The following RASAL2 variants were observed in gnomAD, a reference collection of about 807,000 sequenced individuals.
RASAL2 encodes ras GTPase-activating protein nGAP.
RASAL2 carries 58 observed loss-of-function variants against 128.9 expected under a neutral mutation model. The ratio of observed to expected loss-of-function variants is 0.45; its 90% confidence interval spans 0.36 to 0.56. RASAL2 has a LOEUF of 0.56. RASAL2 is among the 20% of genes least tolerant of loss of function. The pLI is 0.00. For synonymous variants in RASAL2, 561 were observed against 580.8 expected (o/e 0.97, Z 0.49); for missense variants, 1,360 against 1,601.6 (o/e 0.85, Z 2.57).
chr1:178,421,998 A>G (rs538321754), intron 5 of RASAL2, among the ~76,000 whole-genome samples: 1 of 152,218 alleles, frequency 6.6e-6, no homozygotes, highest in Non-Finnish European at 1.5e-5. Flanking sequence ...CAAAAAATAG[A>G]ATAACAATTT....
At chr1:178,359,220 C>A (rs999102304) in intron 3 of RASAL2, among the ~76,000 whole-genome samples, 2 of 152,102 alleles carry the variant, frequency 1.3e-5, no homozygotes, top group Admixed American at 6.5e-5. Flanking sequence ...GGACTTGATA[C>A]TACCATTCAT....
At chr1:178,311,109 G>A (rs1359495728) in intron 3 of RASAL2, among the ~76,000 whole-genome samples, 2 of 152,082 alleles carry the variant, frequency 1.3e-5, no homozygotes, top group East Asian at 1.9e-4. Flanking sequence ...ATCTGGAGGA[G>A]ATGAATGGCA....
chr1:178,234,640 T>C (rs1227973323), intron 1 of RASAL2, among the ~76,000 whole-genome samples: 1 of 152,152 alleles, frequency 6.6e-6, no homozygotes, highest in African/African-American at 2.4e-5. Context: ...ACAATTTTGG[T>C]TATGACTTGG....
At chr1:178,266,307 T>G (rs1360497492) in intron 1 of RASAL2, among the ~76,000 whole-genome samples, 1 of 152,242 alleles carries the variant, frequency 6.6e-6, no homozygotes, top group Admixed American at 6.5e-5. Context: ...GGCCTTAATT[T>G]GCATTTCCCT....
chr1:178,114,377 A>G (rs766861716), intron 1 of RASAL2, among the ~76,000 whole-genome samples: 1 of 151,968 alleles, frequency 6.6e-6, no homozygotes, highest in Non-Finnish European at 1.5e-5. Flanking sequence ...GTTCCCTCCT[A>G]TTTTTAGTTT....
intron 3 of RASAL2, among the ~76,000 whole-genome samples, chr1:178,386,375 G>A (rs924251981): frequency 3.9e-5 from 6 of 152,110 alleles, no homozygotes; most frequent in South Asian, 2.1e-4. Context: ...ATTAAATGGC[G>A]AAGACCAGGA....
intron 1 of RASAL2, among the ~76,000 whole-genome samples, chr1:178,100,650 G>A (rs1658862183): frequency 6.6e-6 from 1 of 152,136 alleles, no homozygotes; most frequent in Non-Finnish European, 1.5e-5. Flanking sequence ...GATTATTAAG[G>A]AAATGGTGGC....
chr1:178,408,829 G>T (rs1674166240), intron 4 of RASAL2, among the ~76,000 whole-genome samples: 1 of 152,016 alleles, frequency 6.6e-6, no homozygotes, highest in Admixed American at 6.6e-5. Flanking sequence ...AAAAAGGAAG[G>T]GTTCCGGTGT....
intron 1 of RASAL2, among the ~76,000 whole-genome samples, chr1:178,186,592 G>A (rs1247043369): frequency 6.6e-6 from 1 of 152,048 alleles, no homozygotes; most frequent in Non-Finnish European, 1.5e-5. Context: ...CCGATGAGTA[G>A]TAGTCAGCAG....
intron 1 of RASAL2, among the ~76,000 whole-genome samples, chr1:178,117,049 C>T (rs1003869822): frequency 1.3e-5 from 2 of 152,034 alleles, no homozygotes; most frequent in African/African-American, 4.8e-5. Context: ...TCATAACAGA[C>T]CTGTTAGATG....
chr1:178,246,610 C>T (rs547636258), intron 1 of RASAL2, among the ~76,000 whole-genome samples: 5 of 152,036 alleles, frequency 3.3e-5, no homozygotes, highest in Admixed American at 6.6e-5. Context: ...TATGTTGAAT[C>T]GGCGTGGTGA....
intron 3 of RASAL2, among the ~76,000 whole-genome samples, chr1:178,333,555 C>CA (rs149559150): frequency 0.079 from 12,012 of 151,858 alleles, 545 homozygotes; most frequent in Middle Eastern, 0.14. Flanking sequence ...TTTTGCAAAA[C>CA]AAAAAAATTG....
At chr1:178,274,735 A>C in intron 1 of RASAL2, among the ~76,000 whole-genome samples, 1 of 151,994 alleles carries the variant, frequency 6.6e-6, no homozygotes, top group Non-Finnish European at 1.5e-5. Context: ...CTAAAGGTGC[A>C]AGCCACCACA....
At chr1:178,287,449 GA>G (rs762428185) in intron 2 of RASAL2, among the ~76,000 whole-genome samples, 52 of 144,894 alleles carry the variant, frequency 3.6e-4, no homozygotes, top group African/African-American at 9.9e-4. Context: ...AGAAAAAAAT[GA>G]AAAAAAAAAG....
At chr1:178,242,041 T>G (rs1664522002) in intron 1 of RASAL2, among the ~76,000 whole-genome samples, 1 of 152,196 alleles carries the variant, frequency 6.6e-6, no homozygotes, top group African/African-American at 2.4e-5. Flanking sequence ...ATTTATAGTA[T>G]TTTTGAGTGT....
rs771540221 is a variant in RASAL2, at chr1:178,439,464, A to T, written c.717A>T (p.Glu239Asp). The change falls in exon 6 of 18, where the codon GAA (glutamate) becomes GAT (aspartate). Residue 239 changes from glutamate to aspartate, a missense_variant. Physicochemically the swap from Glu to Asp is conservative, Grantham distance 45 (BLOSUM62 2). Coordinates refer to ENST00000367649, the MANE Select transcript of RASAL2 (RefSeq NM_170692.4). ...AACTAAAAGAGTCACGTTCCCATGA[A>T]TCCTTGCTGAGCCCATGCAGCACAG... ...LPKLKESRSH[E>D]SLLSPCSTVE... is the part of the protein sequence containing the mutation. 6.2e-7 allele frequency: 1 copy of T among 1,612,308 alleles called. No homozygotes were observed. The highest frequency in any genetic ancestry group is 8.5e-7 in the Non-Finnish European group (1 of 1,179,032).
rs371089642 is a variant in RASAL2, at chr1:178,211,583, C to T, written c.203-71981C>T. On this transcript the variant is annotated intron_variant, in intron 1 of 17. Coordinates refer to ENST00000367649, the MANE Select transcript of RASAL2 (RefSeq NM_170692.4). ...TTCTTTATCAGTACCTGAAATGGAT[C>T]GTGCTGTTTTATGTCTTCATATATT... 2.6e-4 allele frequency among the ~76,000 whole-genome samples: 40 copies of T among 152,170 alleles called. No homozygotes were observed. The East Asian group carries it at 6.2e-3, about 24-fold the overall frequency.
chr1:178,319,743 C>G (rs970098313), intron 3 of RASAL2, among the ~76,000 whole-genome samples: 136 of 152,044 alleles, frequency 8.9e-4, no homozygotes, highest in African/African-American at 3.2e-3. Flanking sequence ...GATTGAATGT[C>G]CTCCCGTAGC....
intron 1 of RASAL2, among the ~76,000 whole-genome samples, chr1:178,210,624 C>T (rs187452705): frequency 2.0e-5 from 3 of 152,250 alleles, no homozygotes; most frequent in Admixed American, 1.3e-4. Context: ...TAACAGGTGC[C>T]GCCAAACATT....
Sources: allele counts gnomAD v4.1 joint callset (sites outside exome capture counted in the v4.1 genomes callset), GRCh38; gene constraint gnomAD v4.1.1; transcripts MANE v1.5; gene names NCBI Gene and HGNC (gene_info 2026-07-23, HGNC 2026-07-21).